Variants in NFIB observed in about 807,000 individuals in gnomAD.
NFIB encodes the protein nuclear factor 1 B-type.
Under a neutral mutation model 61.5 loss-of-function variants are expected in NFIB, and 11 were observed. The ratio of observed to expected loss-of-function variants is 0.18; its 90% CI spans 0.11 to 0.30. NFIB has a LOEUF of 0.30. Ranked by LOEUF, NFIB falls within the 10% of genes least tolerant of loss-of-function variation. NFIB has a pLI of 1.00. For missense variants in NFIB, 471 were observed against 608.9 expected (o/e 0.77, Z 2.38); for synonymous variants, 260 against 216.5 (o/e 1.20, Z -1.76).
chr9:14,376,938 T>A (rs2061427578), intron 1 of NFIB, among the ~76,000 whole-genome samples: 1 of 152,206 alleles, frequency 6.6e-6, no homozygotes, highest in South Asian at 2.1e-4. Flanking sequence ...GGAAGGTGTT[T>A]ATCTGTCTAG....
chr9:14,180,731 C>G (rs368996437), intron 2 of NFIB: 1 of 152,236 alleles, frequency 6.6e-6, no homozygotes, highest in East Asian at 1.9e-4. Context: ...AAATTGCATA[C>G]TCCTAAGCAG....
chr9:14,449,441 G>A, the NFIB span, among the ~76,000 whole-genome samples: 1 of 152,194 alleles, frequency 6.6e-6, no homozygotes, highest in African/African-American at 2.4e-5. Context: ...AGGCAAAGTT[G>A]AGGATCACTG....
chr9:14,466,631 T>A, the NFIB span, among the ~76,000 whole-genome samples: 2 of 152,204 alleles, frequency 1.3e-5, no homozygotes, highest in Non-Finnish European at 2.9e-5. Context: ...AACACAGTCC[T>A]ACCAGCAAGG....
chr9:14,464,419 T>C, the NFIB span, among the ~76,000 whole-genome samples: 4 of 152,192 alleles, frequency 2.6e-5, no homozygotes, highest in African/African-American at 9.7e-5. Flanking sequence ...CATCCAAACC[T>C]AGACGGTGCA....
the NFIB span, among the ~76,000 whole-genome samples, chr9:14,453,103 T>C: frequency 2.0e-5 from 3 of 152,236 alleles, no homozygotes; most frequent in African/African-American, 7.2e-5. Context: ...GTTCCCACCC[T>C]GATCTCAGAA....
chr9:14,321,085 C>T (rs2060648585), intron 1 of NFIB, among the ~76,000 whole-genome samples: 1 of 152,156 alleles, frequency 6.6e-6, no homozygotes. Context: ...AAAGTCGAAA[C>T]TGGCTTCCCC....
At position 14,155,850 on chromosome 9, in the gene NFIB, T is replaced by C. The variant is rs12004715; in HGVS notation, c.660A>G (p.Val220=). 112 of 1,587,654 alleles carry C rather than the reference T, an allele frequency of 7.1e-5. No homozygotes were observed. The highest frequency in any genetic ancestry group is 6.9e-4 in the African/African-American group (51 of 73,890). The change falls in exon 4 of 11, where the codon GTA becomes GTG. Residue 220 remains valine, a synonymous_variant. Coordinates refer to ENST00000380953, the MANE Select transcript of NFIB (RefSeq NM_001190737.2). ...DSFVKSGVFN[V]SELVRVSRTP... ...TTCTGGATACTCTTACAAGTTCTGA[T>C]ACATTGAAGACTCCAGATTTTACAA... is the stretch of plus-strand genomic sequence containing the variant.
chr9:14,365,462 T>C (rs111703975), intron 1 of NFIB, among the ~76,000 whole-genome samples: 2 of 152,344 alleles, frequency 1.3e-5, no homozygotes, highest in African/African-American at 2.4e-5. Context: ...TGTTGATTTG[T>C]AGAAGAAAGA....
rs145803161 is a variant in NFIB at position 14,170,750 on chromosome 9, G to C, written c.616+8977C>G. On this transcript the variant is annotated intron_variant, in intron 3 of 10. Transcript: ENST00000380953. ...ACCTAGAGGAATTTATGACTCAGACGTCTTTTCACATGAGGATTCTGACCC... is the reference window on the plus strand; with the variant it reads ...ACCTAGAGGAATTTATGACTCAGACCTCTTTTCACATGAGGATTCTGACCC... 2.1e-4 allele frequency among the ~76,000 whole-genome samples: 32 copies of C among 152,224 alleles called. 1 individual carries two copies. Among genetic ancestry groups the C allele is most frequent in the Admixed American group, 1.9e-3 (29 of 15,290 alleles).
chr9:14,475,684 A>G, the NFIB span, among the ~76,000 whole-genome samples: 1 of 152,122 alleles, frequency 6.6e-6, no homozygotes, highest in African/African-American at 2.4e-5. Context: ...TCCCAAGGGT[A>G]TATGTTTCAG....
At chr9:14,419,832 G>A in the NFIB span, among the ~76,000 whole-genome samples, 3 of 152,156 alleles carry the variant, frequency 2.0e-5, no homozygotes, top group African/African-American at 7.2e-5. Flanking sequence ...GGACATATGA[G>A]GCGAACAATC....
intron 1 of NFIB, among the ~76,000 whole-genome samples, chr9:14,345,684 C>T (rs920752865): frequency 1.3e-5 from 2 of 152,106 alleles, no homozygotes; most frequent in Non-Finnish European, 2.9e-5. Context: ...TCTCCTCTGC[C>T]CCATCTCCGT....
intron 2 of NFIB, among the ~76,000 whole-genome samples, chr9:14,263,136 T>C (rs1443494493): frequency 6.6e-6 from 1 of 152,136 alleles, no homozygotes; most frequent in Non-Finnish European, 1.5e-5. Context: ...GGGTGGGTTG[T>C]TATGGCTTTT....
chr9:14,334,550 T>C (rs1428859621), intron 1 of NFIB, among the ~76,000 whole-genome samples: 1 of 152,200 alleles, frequency 6.6e-6, no homozygotes, highest in African/African-American at 2.4e-5. Flanking sequence ...CTTGTTGATT[T>C]GTAGGAGTTC....
intron 1 of NFIB, among the ~76,000 whole-genome samples, chr9:14,370,347 T>C (rs2061345331): frequency 6.6e-6 from 1 of 152,344 alleles, no homozygotes; most frequent in Non-Finnish European, 1.5e-5. Flanking sequence ...ACTTAATTCA[T>C]TGATGTAACC....
chr9:14,392,370 G>A (rs1470184012), intron 1 of NFIB, among the ~76,000 whole-genome samples: 2 of 152,110 alleles, frequency 1.3e-5, no homozygotes, highest in Admixed American at 1.3e-4. Flanking sequence ...CAGAGTGGAG[G>A]GTATACAGAA....
At chr9:14,312,174 C>T (rs1204954809) in intron 1 of NFIB, among the ~76,000 whole-genome samples, 1 of 152,206 alleles carries the variant, frequency 6.6e-6, no homozygotes, top group Non-Finnish European at 1.5e-5. Flanking sequence ...AGGACTGTAT[C>T]CAATCACTGA....
intron 2 of NFIB, among the ~76,000 whole-genome samples, chr9:14,231,495 C>A (rs1259436100): frequency 6.6e-6 from 1 of 152,072 alleles, no homozygotes. Flanking sequence ...TCCCGGGTAC[C>A]AGATCTTTTA....
the NFIB span, among the ~76,000 whole-genome samples, chr9:14,412,566 G>A: frequency 2.6e-5 from 4 of 152,182 alleles, no homozygotes; most frequent in African/African-American, 9.7e-5. Context: ...TTCCCCATGA[G>A]TCAAGTCCTG....
Sources: allele counts gnomAD v4.1 joint callset (sites outside exome capture counted in the v4.1 genomes callset), GRCh38; gene constraint gnomAD v4.1.1; transcripts MANE v1.5; gene names NCBI Gene and HGNC (gene_info 2026-07-23, HGNC 2026-07-21).